C1QTNF3: variants seen among roughly 807,000 people sequenced by gnomAD.
C1QTNF3 encodes C1q and TNF related 3.
A neutral mutation model predicts 32.6 loss-of-function variants in C1QTNF3; 26 were observed. The observed-to-expected ratio is 0.80, with a 90% CI of 0.58 to 1.11. The LOEUF (loss-of-function observed/expected upper bound fraction) is 1.11. Among genes scored for constraint, C1QTNF3 ranks in the 50% least tolerant of loss-of-function variants. C1QTNF3 has a pLI of 0.00. For synonymous variants in C1QTNF3, 155 were observed against 146.0 expected, an observed-to-expected ratio of 1.06 and a Z score of -0.44; for missense variants, 362 against 398.2, an observed-to-expected ratio of 0.91 and a Z score of 0.77.
At chr5:34,033,213 A>C in intron 3 of C1QTNF3, 91 bp downstream of exon 3, 5 of 1,385,004 alleles carry the variant, frequency 3.6e-6, no homozygotes, top group Non-Finnish European at 5.0e-6. Flanking sequence ...ATTGGGGAAG[A>C]CTTGAGGAAG....
chr5:34,115,125 T>C, the C1QTNF3 span, among the ~76,000 whole-genome samples: 1 of 152,194 alleles, frequency 6.6e-6, no homozygotes, highest in Admixed American at 6.5e-5. Context: ...TTTGGATATA[T>C]AATTCTAGGT....
At chr5:34,084,325 AT>A in the C1QTNF3 span, among the ~76,000 whole-genome samples, 2 of 151,808 alleles carry the variant, frequency 1.3e-5, 1 homozygote, top group African/African-American at 4.9e-5. Context: ...TTACAGACAA[AT>A]TAGGAAAGTT....
the C1QTNF3 span, among the ~76,000 whole-genome samples, chr5:34,063,887 A>G: frequency 6.6e-6 from 1 of 152,192 alleles, no homozygotes. Flanking sequence ...AGTCATGGTC[A>G]GGACCCAGGA....
the C1QTNF3 span, among the ~76,000 whole-genome samples, chr5:34,235,456 A>C: frequency 6.6e-6 from 1 of 152,076 alleles, no homozygotes; most frequent in Non-Finnish European, 1.5e-5. Context: ...GAATGCAGGA[A>C]TATCAGGCAT....
the C1QTNF3 span, among the ~76,000 whole-genome samples, chr5:34,056,145 T>C: frequency 6.6e-6 from 1 of 152,106 alleles, no homozygotes; most frequent in Non-Finnish European, 1.5e-5. Flanking sequence ...AAAGGTCCTC[T>C]GCTTTGATTG....
At chr5:34,206,003 TCAAA>T in the C1QTNF3 span, among the ~76,000 whole-genome samples, 8 of 149,872 alleles carry the variant, frequency 5.3e-5, no homozygotes, top group Non-Finnish European at 1.2e-4. Context: ...GTGAGATATG[TCAAA>T]CAAGCACAGG....
the C1QTNF3 span, among the ~76,000 whole-genome samples, chr5:34,103,222 C>T: frequency 0.019 from 2,880 of 151,592 alleles, 33 homozygotes; most frequent in African/African-American, 0.03. Context: ...TGTTGTTATC[C>T]TTCCAGAATC....
chr5:34,042,596 C>T lies in C1QTNF3; in HGVS notation c.303+227G>A, dbSNP rs900213460. ...CTTTCTGATGGGGTGATGCTACGGC[C>T]ACTATCCCATCACATCATTGCTGCC... is the stretch of plus-strand genomic sequence containing the variant. On this transcript the variant is annotated intron_variant, in intron 1 of 5. Transcript: ENST00000382065. 3.3e-5 allele frequency among the ~76,000 whole-genome samples: 5 copies of T among 152,134 alleles called. No individual in the cohort carries two copies. The South Asian group carries it at 6.2e-4, about 19-fold the overall frequency.
chr5:34,237,644 T>C, the C1QTNF3 span, among the ~76,000 whole-genome samples: 4 of 152,152 alleles, frequency 2.6e-5, no homozygotes, highest in Non-Finnish European at 5.9e-5. Flanking sequence ...CACCATAATT[T>C]AGGCAGATCT....
the C1QTNF3 span, among the ~76,000 whole-genome samples, chr5:34,098,993 A>G: frequency 6.6e-6 from 1 of 152,222 alleles, no homozygotes; most frequent in African/African-American, 2.4e-5. Context: ...TGTACATGTT[A>G]ACTGGAACTG....
chr5:34,078,450 C>T, the C1QTNF3 span, among the ~76,000 whole-genome samples: 3 of 151,826 alleles, frequency 2.0e-5, no homozygotes, highest in Admixed American at 6.6e-5. This position sits in a 1 kb window ranked among gnomAD's most constrained non-coding sequence, Gnocchi z 4.0. Context: ...GCACCTCCTT[C>T]ACAAGGCAGG....
chr5:34,226,972 A>G, the C1QTNF3 span, among the ~76,000 whole-genome samples: 1 of 151,876 alleles, frequency 6.6e-6, no homozygotes, highest in African/African-American at 2.4e-5. Flanking sequence ...GTACCTATCA[A>G]GCAATTGATT....
chr5:34,197,142 A>G, the C1QTNF3 span, among the ~76,000 whole-genome samples: 1 of 152,310 alleles, frequency 6.6e-6, no homozygotes, highest in Non-Finnish European at 1.5e-5. Flanking sequence ...CGTTCTTTAA[A>G]GAACAAAAAC....
chr5:34,077,983 T>C, the C1QTNF3 span, among the ~76,000 whole-genome samples: 9 of 151,832 alleles, frequency 5.9e-5, no homozygotes, highest in African/African-American at 2.2e-4. Context: ...TATAAGTGCC[T>C]TTAACCTCTT....
At chr5:34,154,486 A>G in the C1QTNF3 span, among the ~76,000 whole-genome samples, 1 of 152,154 alleles carries the variant, frequency 6.6e-6, no homozygotes, top group Non-Finnish European at 1.5e-5. Flanking sequence ...TTAGTGGAAA[A>G]TCTGTTAAAA....
At chr5:34,139,635 C>T in the C1QTNF3 span, among the ~76,000 whole-genome samples, 1 of 152,056 alleles carries the variant, frequency 6.6e-6, no homozygotes, top group African/African-American at 2.4e-5. Context: ...ACTGCATCAA[C>T]TAAAACTTAA....
the C1QTNF3 span, among the ~76,000 whole-genome samples, chr5:34,056,240 G>T: frequency 6.6e-6 from 1 of 151,750 alleles, no homozygotes; most frequent in African/African-American, 2.4e-5. Context: ...GAAAAAAAGG[G>T]GAGTGAGGGA....
chr5:34,120,404 TG>T, the C1QTNF3 span, among the ~76,000 whole-genome samples: 1 of 152,246 alleles, frequency 6.6e-6, no homozygotes, highest in East Asian at 1.9e-4. Flanking sequence ...ACTGTATGTT[TG>T]AAAAGAGGAT....
At chr5:34,033,069 G>A in intron 3 of C1QTNF3, 1 of 448,782 alleles carries the variant, frequency 2.2e-6, no homozygotes, top group East Asian at 3.9e-5. Flanking sequence ...GTTCTATGAG[G>A]GACTTAGATT....
Sources: gnomAD v4.1 joint callset for allele counts (sites outside exome capture counted in the v4.1 genomes callset) on GRCh38, gnomAD v4.1.1 for gene constraint, Gnocchi (gnomAD v3.1) non-coding constraint, MANE v1.5 for transcripts, NCBI Gene and HGNC (gene_info 2026-07-23, HGNC 2026-07-21) for gene names.